The following AS3MT variants were observed in gnomAD, a reference collection of about 807,000 sequenced individuals.
AS3MT encodes the protein S-adenosyl-L-methionine:arsenic(III) methyltransferase.
A neutral mutation model predicts 45.3 loss-of-function variants in AS3MT; 47 were observed. The ratio of observed to expected loss-of-function variants is 1.04; its 90% CI spans 0.82 to 1.32. The LOEUF (loss-of-function observed/expected upper bound fraction) is 1.32. AS3MT is among the 40% of genes most tolerant of loss of function. The pLI is 0.00. For missense variants in AS3MT, 396 were observed against 451.1 expected (o/e 0.88, Z 1.11); for synonymous variants, 141 against 152.8 (o/e 0.92, Z 0.57).
chr10:102,887,501 CCAATGTTGAGTG>C (rs1422328393), intron 9 of AS3MT, among the ~76,000 whole-genome samples: 2 of 152,064 alleles, frequency 1.3e-5, no homozygotes, highest in Non-Finnish European at 2.9e-5. Context: ...CTTTGGAGCT[CCAATGTTGAGTG>C]CAAAGATACT....
intron 10 of AS3MT, among the ~76,000 whole-genome samples, chr10:102,900,298 G>A (rs1208087609): frequency 1.3e-5 from 2 of 152,150 alleles, no homozygotes; most frequent in East Asian, 1.9e-4. Flanking sequence ...TAAAAGGCAC[G>A]TGCAAATGAC....
chr10:102,895,382 G>A (rs1487845841), intron 10 of AS3MT, among the ~76,000 whole-genome samples: 1 of 151,892 alleles, frequency 6.6e-6, no homozygotes, highest in African/African-American at 2.4e-5. Flanking sequence ...TGTATTTTTA[G>A]TAGAGGCGGG....
chr10:102,877,100 C>T, intron 7 of AS3MT, 65 bp downstream of exon 7: 1 of 1,458,460 alleles, frequency 6.9e-7, no homozygotes, highest in Non-Finnish European at 9.6e-7. Context: ...CTCCTTTCTG[C>T]TAATAGCCAG....
At chr10:102,870,509 C>T (rs1201334852) in intron 3 of AS3MT, among the ~76,000 whole-genome samples, 2 of 152,096 alleles carry the variant, frequency 1.3e-5, no homozygotes, top group Non-Finnish European at 2.9e-5. Flanking sequence ...CACTGCACTC[C>T]AGCTTGGTCA....
Position 102,873,181 on chromosome 10 carries a change from A to T in AS3MT, c.406A>T (p.Ile136Phe). 6.2e-7 allele frequency: 1 copy of T among 1,611,270 alleles called. No individual in the cohort carries two copies. The highest frequency in any genetic ancestry group is 8.5e-7 in the Non-Finnish European group (1 of 1,179,204). ...TAATGTGACTTTTATTCATGGCTAC[A>T]TTGAGAAGTTGGGAGAGGCTGGAAT... ...ASNVTFIHGYIEKLGEAGIKN... is the reference protein window; with the variant it reads ...ASNVTFIHGYFEKLGEAGIKN... The change falls in exon 5 of 11, where the codon ATT (isoleucine) becomes TTT (phenylalanine). Residue 136 changes from isoleucine to phenylalanine, a missense_variant. Transcript: ENST00000369880.
chr10:102,879,894 GTATA>G (rs34006263), intron 9 of AS3MT, among the ~76,000 whole-genome samples: 18,813 of 149,332 alleles, frequency 0.13, 1,367 homozygotes, highest in East Asian at 0.28. Flanking sequence ...GTTTATATGT[GTATA>G]TATATATATA....
chr10:102,901,022 G>T lies in AS3MT; in HGVS notation c.*322G>T. 1 of 194,664 alleles carries T rather than the reference G, an allele frequency of 5.1e-6. No individual in the cohort carries two copies. The highest frequency in any genetic ancestry group is 1.0e-5 in the Non-Finnish European group (1 of 96,018). 12.1% of individuals were successfully genotyped at this position (194,664 alleles called of 1,614,324 possible). ...GAATTGCTTGAACCCAGGAAGTAGA[G>T]GCTGCAGTGAGTAAGCATCACGCCA... On this transcript the variant is annotated 3_prime_UTR_variant, in exon 11 of 11. Coordinates refer to ENST00000369880, the MANE Select transcript of AS3MT (RefSeq NM_020682.4).
At chr10:102,888,876 TATA>T (rs1277691216) in intron 9 of AS3MT, among the ~76,000 whole-genome samples, 1,143 of 52,642 alleles carry the variant, frequency 0.022, 14 homozygotes, top group African/African-American at 0.044. Context: ...TATATATATA[TATA>T]TATTTTTTTT....
chr10:102,875,215 A>G (rs1007900989), intron 6 of AS3MT, among the ~76,000 whole-genome samples: 11 of 152,092 alleles, frequency 7.2e-5, no homozygotes, highest in Non-Finnish European at 8.8e-5. Context: ...GGTAGCTCAC[A>G]CCTGTAATCC....
rs558631594 is a variant in AS3MT, at chr10:102,892,779, C to T, written c.1020+2101C>T. Among the ~76,000 whole-genome samples the T allele has an allele frequency of 2.0e-5, 3 of 152,052 alleles. No individual in the cohort carries two copies. In the South Asian group the frequency reaches 6.2e-4, roughly 32 times the overall value. ...TTGCCTGAGCTCAGGAGTTCAAGAC[C>T]AGCCTGGGCAACATGGTGACACCCC... On this transcript the variant is annotated intron_variant, in intron 10 of 10. Transcript: ENST00000369880.
Position 102,884,618 on chromosome 10 carries a change from C to T in AS3MT, c.885+5627C>T, listed in dbSNP as rs544733920. Among the ~76,000 whole-genome samples the T allele has an allele frequency of 1.1e-4, 16 of 152,220 alleles. No homozygotes were observed. The South Asian group carries it at 3.3e-3, about 32-fold the overall frequency. On this transcript the variant is annotated intron_variant, in intron 9 of 10. Coordinates refer to ENST00000369880, the MANE Select transcript of AS3MT (RefSeq NM_020682.4). Reference sequence around the variant, plus strand: ...CTGGAGTGCAGTGGCGTGATCTTGGCTCACTGCAATCTCCGCCTCCTGGGT... The same window carrying T: ...CTGGAGTGCAGTGGCGTGATCTTGGTTCACTGCAATCTCCGCCTCCTGGGT...
intron 9 of AS3MT, among the ~76,000 whole-genome samples, chr10:102,884,264 G>A (rs1844912917): frequency 6.6e-6 from 1 of 151,946 alleles, no homozygotes; most frequent in African/African-American, 2.4e-5. Flanking sequence ...ACAGGCGCGA[G>A]GTGCCCAGCC....
chr10:102,877,024 A>C lies in AS3MT; in HGVS notation c.599A>C (p.Lys200Thr), dbSNP rs1245083068. The change falls in exon 7 of 11, where the codon AAA becomes ACA. Residue 200 changes from lysine (K) to threonine (T), a missense_variant. Physicochemically the swap from Lys to Thr is moderately conservative, Grantham distance 78. Coordinates refer to ENST00000369880, the MANE Select transcript of AS3MT (RefSeq NM_020682.4). ...LELPEEIRTH[K>T]VLWGECLGGA... ...CTGCCAGAAGAAATCAGGACACACA[A>C]AGTTTTATGGGGTAGGTGATTTTGT... 1 of 1,613,934 alleles carries C rather than the reference A, an allele frequency of 6.2e-7. No homozygotes were observed. The highest frequency in any genetic ancestry group is 8.5e-7 in the Non-Finnish European group (1 of 1,179,936).
intron 9 of AS3MT, among the ~76,000 whole-genome samples, chr10:102,888,877 A>G (rs200603588): frequency 2.1e-5 from 1 of 47,760 alleles, no homozygotes; most frequent in Non-Finnish European, 4.2e-5. Context: ...ATATATATAT[A>G]TATATTTTTT....
intron 7 of AS3MT, among the ~76,000 whole-genome samples, chr10:102,877,382 G>A (rs990191610): frequency 6.6e-6 from 1 of 152,014 alleles, no homozygotes; most frequent in Non-Finnish European, 1.5e-5. Context: ...GTCCCCTTAT[G>A]TTCTCATCAT....
intron 10 of AS3MT, among the ~76,000 whole-genome samples, chr10:102,895,936 C>T (rs1199010383): frequency 5.9e-5 from 9 of 152,040 alleles, no homozygotes; most frequent in South Asian, 2.1e-4. Context: ...CCATCACAGC[C>T]GGCTAATTTT....
intron 10 of AS3MT, among the ~76,000 whole-genome samples, chr10:102,892,762 G>A (rs1845091845): frequency 6.6e-6 from 1 of 151,992 alleles, no homozygotes; most frequent in Non-Finnish European, 1.5e-5. Flanking sequence ...GATTGCCTGA[G>A]CTCAGGAGTT....
At position 102,879,023 on chromosome 10, in the gene AS3MT, T is replaced by C. The variant is rs367745902; in HGVS notation, c.885+32T>C. The C allele has an allele frequency of 3.1e-6, 5 of 1,597,968 alleles. No individual in the cohort carries two copies. The African/African-American group carries it at 5.4e-5, about 17-fold the overall frequency. On this transcript the variant is annotated intron_variant, in intron 9 of 10. Coordinates refer to ENST00000369880, the MANE Select transcript of AS3MT (RefSeq NM_020682.4). ...AAAACAATTTCCATGACTTCTGGTA[T>C]TCTTTCTGCTCTTGCCCTTGCTCCA...
In AS3MT at chr10:102,871,727, C is replaced by CAAACAAAACAAAACAAAACA. The variant is rs139792328; in HGVS notation, c.171-708_171-689dup. Among the ~76,000 whole-genome samples the CAAACAAAACAAAACAAAACA allele has an allele frequency of 2.5e-4, 37 of 148,222 alleles. No homozygotes were observed. The East Asian group carries it at 5.1e-3, about 20-fold the overall frequency. On this transcript the variant is annotated intron_variant, in intron 3 of 10. Transcript: ENST00000369880. ...TGGGCGACAGAGCGAGACTCCGTCT[C>CAAACAAAACAAAACAAAACA]AAACAAAACAAAACAAAACAAAACA... is the stretch of plus-strand genomic sequence containing the variant.
Sources: gnomAD v4.1 joint callset for allele counts (sites outside exome capture counted in the v4.1 genomes callset) on GRCh38, gnomAD v4.1.1 for gene constraint, MANE v1.5 for transcripts, NCBI Gene and HGNC (gene_info 2026-07-23, HGNC 2026-07-21) for gene names.